The following ELAC2 variants were observed in gnomAD, a reference collection of about 807,000 sequenced individuals.
ELAC2 encodes elaC ribonuclease Z 2, also known as zinc phosphodiesterase ELAC protein 2.
Under a neutral mutation model 105.2 loss-of-function variants are expected in ELAC2, and 92 were observed. That is an observed-to-expected ratio of 0.87 (90% CI 0.74 to 1.04). ELAC2 has a LOEUF of 1.04. ELAC2 is among the 50% of genes least tolerant of loss of function. The pLI, the probability that ELAC2 is intolerant of heterozygous loss-of-function variation, is 0.00. For synonymous variants in ELAC2, 468 were observed against 409.1 expected (o/e 1.14, Z -1.74); for missense variants, 1,099 against 1,071.7 (o/e 1.03, Z -0.36).
At chr17:13,010,449 G>A (rs558287518) in intron 8 of ELAC2, among the ~76,000 whole-genome samples, 164 bp downstream of exon 8, 7 of 152,328 alleles carry the variant, frequency 4.6e-5, no homozygotes, top group Admixed American at 1.3e-4. Context: ...GATTACAGGC[G>A]TGAGCCACTG....
intron 12 of ELAC2, among the ~76,000 whole-genome samples, chr17:13,002,978 A>C (rs2040904232): frequency 6.6e-6 from 1 of 152,138 alleles, no homozygotes; most frequent in Admixed American, 6.5e-5. Context: ...ACCCGAGCTC[A>C]ACTCATACTC....
Position 13,010,822 on chromosome 17 carries a change from C to G in ELAC2, c.680-151G>C, listed in dbSNP as rs886957467. 9.7e-6 allele frequency: 7 copies of G among 724,306 alleles called. No homozygotes were observed. The African/African-American group carries it at 1.2e-4, about 13-fold the overall frequency. 44.9% of individuals were successfully genotyped at this position (724,306 alleles called of 1,614,324 possible). ...CAAAGGCTGAAGACACTAATATACT[C>G]AAGAAGACTTTTTTTCCCTACTTAT... On this transcript the variant is annotated intron_variant, in intron 7 of 23. Transcript: ENST00000338034.
chr17:13,010,983 T>A (rs1257426839), intron 7 of ELAC2, among the ~76,000 whole-genome samples: 1 of 152,236 alleles, frequency 6.6e-6, no homozygotes, highest in Non-Finnish European at 1.5e-5. Context: ...TGTAATGTGC[T>A]TTATAACACA....
At chr17:13,011,383 G>A (rs779740118) in intron 7 of ELAC2, among the ~76,000 whole-genome samples, 1 of 152,176 alleles carries the variant, frequency 6.6e-6, no homozygotes, top group Non-Finnish European at 1.5e-5. Context: ...GAATCCGTTT[G>A]TCAGGCCCTG....
chr17:12,998,575 A>G, intron 15 of ELAC2, 67 bp from the exon 16 acceptor site: 1 of 1,396,834 alleles, frequency 7.2e-7, no homozygotes, highest in Non-Finnish European at 1.0e-6. Context: ...TGCAGCCATG[A>G]GAAGGTGCAA....
Position 13,017,733 on chromosome 17 carries a change from G to A in ELAC2, c.215C>T (p.Ala72Val), listed in dbSNP as rs756087695. 1.1e-5 allele frequency: 17 copies of A among 1,612,376 alleles called. No individual in the cohort carries two copies. Among genetic ancestry groups the A allele is most frequent in the East Asian group, 2.2e-5 (1 of 44,864 alleles). Residue 72 changes from alanine (A) to valine (V), a missense_variant, in exon 1 of 24, where the codon GCC (alanine) becomes GTC (valine). Transcript: ENST00000338034. Reference protein sequence around the residue: ...VVAAGSRDSGAALYVFSEFNR... With the variant: ...VVAAGSRDSGVALYVFSEFNR... ...GAACTCGGAGAAGACGTAGAGCGCG[G>A]CGCCCGAGTCCCGGCTACCCGCTGC...
intron 6 of ELAC2, among the ~76,000 whole-genome samples, chr17:13,012,977 G>A (rs545193860): frequency 6.6e-6 from 1 of 152,290 alleles, no homozygotes; most frequent in South Asian, 2.1e-4. Context: ...AACAGTGCTT[G>A]ATTATCTAAT....
At chr17:13,008,135 G>A (rs569564179) in intron 8 of ELAC2, among the ~76,000 whole-genome samples, 1 of 152,018 alleles carries the variant, frequency 6.6e-6, no homozygotes, top group South Asian at 2.1e-4. Flanking sequence ...GGAAGGCAGA[G>A]GTTGCAGTAA....
chr17:12,994,366 T>G (rs1278000110), intron 22 of ELAC2, 59 bp downstream of exon 22: 6 of 1,584,424 alleles, frequency 3.8e-6, no homozygotes, highest in Admixed American at 3.3e-5. Flanking sequence ...GGCTGCTCAG[T>G]GTCACGTAGT....
At chr17:13,017,210 A>T in intron 1 of ELAC2, 89 bp from the exon 2 acceptor site, 1 of 626,566 alleles carries the variant, frequency 1.6e-6, no homozygotes, top group Non-Finnish European at 2.4e-6. Context: ...TAGACTCTGG[A>T]AAAAAAAAAA....
chr17:13,016,588 G>A (rs765770902), intron 3 of ELAC2, among the ~76,000 whole-genome samples: 1 of 151,700 alleles, frequency 6.6e-6, no homozygotes, highest in Non-Finnish European at 1.5e-5. Context: ...ACCAGCCTGG[G>A]CAACATAGCA....
chr17:13,008,471 C>T (rs1448893825), intron 8 of ELAC2, among the ~76,000 whole-genome samples: 1 of 151,944 alleles, frequency 6.6e-6, no homozygotes, highest in Non-Finnish European at 1.5e-5. Context: ...AAGATCGCAC[C>T]ACTGCACTCC....
At chr17:12,994,928 C>T in intron 20 of ELAC2, 35 bp downstream of exon 20, 1 of 1,614,110 alleles carries the variant, frequency 6.2e-7, no homozygotes, top group South Asian at 1.1e-5. Context: ...TGCTCCCCAC[C>T]TCGCCCCCAT....
rs1439167966 is a variant in ELAC2 at position 12,993,045 on chromosome 17, C to T, written c.2254G>A (p.Val752Ile). 4 of 1,602,756 alleles carry T rather than the reference C, an allele frequency of 2.5e-6. No individual in the cohort carries two copies. The highest frequency in any genetic ancestry group is 2.2e-5 in the South Asian group (2 of 91,088). The change falls in exon 24 of 24, where the codon GTC becomes ATC. Residue 752 changes from valine (V) to isoleucine (I), a missense_variant and splice_region_variant. Transcript: ENST00000338034. Reference sequence around the variant, plus strand: ...ATTGTTGGAAAGTCTCCAAAGCAGACCTAGAAGACACAATAGAAGACAAGG... The same window carrying T: ...ATTGTTGGAAAGTCTCCAAAGCAGATCTAGAAGACACAATAGAAGACAAGG... ...KVGVAFDHMK[V>I]CFGDFPTMPK...
rs554763288 is a variant in ELAC2, at chr17:12,994,846, A to G, written c.1947T>C (p.Phe649=). ...TCLVRHCKHA[F]GCALVHTSGW... Reference sequence around the variant, plus strand: ...CAGAGGTGTGCACCAGCGCACAGCCAAACGCATGCTTGCAGTGCCGCACCA... The same window carrying G: ...CAGAGGTGTGCACCAGCGCACAGCCGAACGCATGCTTGCAGTGCCGCACCA... The change falls in exon 21 of 24, where the codon TTT becomes TTC. Residue 649 remains phenylalanine (F), a synonymous_variant. Transcript: ENST00000338034. 2 of 1,614,104 alleles carry G rather than the reference A, an allele frequency of 1.2e-6. No individual in the cohort carries two copies. Among genetic ancestry groups the G allele is most frequent in the South Asian group, 1.1e-5 (1 of 91,084 alleles).
At chr17:13,008,337 C>A (rs1567763611) in intron 8 of ELAC2, among the ~76,000 whole-genome samples, 1 of 151,762 alleles carries the variant, frequency 6.6e-6, no homozygotes, top group Non-Finnish European at 1.5e-5. Context: ...TGGTGAAACC[C>A]CGTCTCTACT....
rs777501368 is a variant in ELAC2, at chr17:13,017,743, C to G, written c.205G>C (p.Asp69His). Reference sequence around the variant, plus strand: ...AAGACGTAGAGCGCGGCGCCCGAGTCCCGGCTACCCGCTGCCACCACCTGC... The same window carrying G: ...AAGACGTAGAGCGCGGCGCCCGAGTGCCGGCTACCCGCTGCCACCACCTGC... ...YLQVVAAGSR[D>H]SGAALYVFSE... The change falls in exon 1 of 24, where the codon GAC becomes CAC. Residue 69 changes from aspartate to histidine, a missense_variant. Asp to His is a moderately conservative substitution (Grantham distance 81). Coordinates refer to ENST00000338034, the MANE Select transcript of ELAC2 (RefSeq NM_018127.7). 1 of 1,611,874 alleles carries G rather than the reference C, an allele frequency of 6.2e-7. No homozygotes were observed. The highest frequency in any genetic ancestry group is 8.5e-7 in the Non-Finnish European group (1 of 1,179,524).
chr17:13,002,717 A>G lies in ELAC2; in HGVS notation c.1080-138T>C. The G allele has an allele frequency of 2.2e-6, 3 of 1,346,346 alleles. No individual in the cohort carries two copies. The South Asian group carries it at 3.8e-5, about 17-fold the overall frequency. 83.4% of individuals were successfully genotyped at this position (1,346,346 alleles called of 1,614,324 possible). A position where few individuals can be genotyped will look rare whatever the true frequency, so the allele number is the denominator to read the frequency against. ...GACTTGCCCCAAGCAGTGTTACTAC[A>G]TGGCCAAACATGGTCCCACTCCTGC... On this transcript the variant is annotated intron_variant, in intron 12 of 23. Coordinates refer to ENST00000338034, the MANE Select transcript of ELAC2 (RefSeq NM_018127.7).
chr17:13,016,841 C>T, intron 3 of ELAC2, 21 bp downstream of exon 3: 2 of 1,612,876 alleles, frequency 1.2e-6, no homozygotes, highest in Non-Finnish European at 1.7e-6. Context: ...CAGCCTCTGA[C>T]ACTGCAAAGA....
Sources: allele counts gnomAD v4.1 joint callset (sites outside exome capture counted in the v4.1 genomes callset), GRCh38; gene constraint gnomAD v4.1.1; transcripts MANE v1.5; gene names NCBI Gene and HGNC (gene_info 2026-07-23, HGNC 2026-07-21).